The following RSF1 variants were observed in gnomAD, a reference collection of about 807,000 sequenced individuals.
RSF1 encodes the protein HBV pX-associated protein 8.
A neutral mutation model predicts 145.2 loss-of-function variants in RSF1; 13 were observed. That is an observed-to-expected ratio of 0.09 (90% CI 0.06 to 0.14). The LOEUF (loss-of-function observed/expected upper bound fraction) is 0.14. Ranked by LOEUF, RSF1 falls within the 10% of genes least tolerant of loss-of-function variation. The pLI is 1.00. For synonymous variants in RSF1, 577 were observed against 592.6 expected, an observed-to-expected ratio of 0.97 and a Z score of 0.38; for missense variants, 1,517 against 1,718.2, an observed-to-expected ratio of 0.88 and a Z score of 2.07.
rs144938637 is a variant in RSF1 at position 77,814,990 on chromosome 11, A to C, written c.187+5538T>G. Among the ~76,000 whole-genome samples, 107 of 152,320 alleles carry C rather than the reference A, an allele frequency of 7.0e-4. 1 individual carries two copies. The Middle Eastern group carries it at 0.01, about 15-fold the overall frequency. ...GCAGGCACTGCACTTTATGGCATAC[A>C]AGTGAAAGAAAGCGTAAAATGGAAG... On this transcript the variant is annotated intron_variant, in intron 1 of 15. Transcript: ENST00000308488.
chr11:77,683,754 C>A lies in RSF1; in HGVS notation c.3021G>T (p.Leu1007Phe). ...TTGTTCTTGTTGACCTCCTTTCAAG[C>A]AAGTTTGCTTTGGATTTTTTTGAAT... is the stretch of plus-strand genomic sequence containing the variant. Reference protein sequence around the residue: ...KKDSKKSKANLLERRSTRTRK... With the variant: ...KKDSKKSKANFLERRSTRTRK... Residue 1007 changes from leucine (L) to phenylalanine (F), a missense_variant, in exon 11 of 16, where the codon TTG (leucine) becomes TTT (phenylalanine). By Grantham distance (22) the Leu-to-Phe change is conservative. Coordinates refer to ENST00000308488, the MANE Select transcript of RSF1 (RefSeq NM_016578.4). 1.2e-6 allele frequency: 2 copies of A among 1,613,406 alleles called. No individual in the cohort carries two copies. Among genetic ancestry groups the A allele is most frequent in the South Asian group, 1.1e-5 (1 of 91,074 alleles).
At chr11:77,820,828 G>T, upstream of RSF1, 1 of 1,079,524 alleles carries the variant, frequency 9.3e-7, no homozygotes, top group Non-Finnish European at 1.3e-6. Context: ...GGGCTCCTCT[G>T]CGGATCCCAG....
chr11:77,746,742 A>C (rs1948006523), intron 3 of RSF1, among the ~76,000 whole-genome samples: 1 of 152,238 alleles, frequency 6.6e-6, no homozygotes, highest in African/African-American at 2.4e-5. Flanking sequence ...AATTATCCAC[A>C]GTTTACAGTA....
chr11:77,860,034 T>G, the RSF1 span, among the ~76,000 whole-genome samples: 1 of 152,222 alleles, frequency 6.6e-6, no homozygotes, highest in Admixed American at 6.5e-5. Context: ...AGGCCAACCC[T>G]TTGCCACTAC....
chr11:77,715,762 T>C (rs1960793166), intron 5 of RSF1, among the ~76,000 whole-genome samples: 1 of 152,084 alleles, frequency 6.6e-6, no homozygotes, highest in African/African-American at 2.4e-5. Context: ...CAATGTCTTA[T>C]ATAATAAAAA....
intron 5 of RSF1, among the ~76,000 whole-genome samples, chr11:77,724,728 A>C (rs923999273): frequency 3.3e-5 from 5 of 152,232 alleles, no homozygotes; most frequent in African/African-American, 1.2e-4. Context: ...TGTGCAACCT[A>C]GATCCCTTGC....
intron 5 of RSF1, among the ~76,000 whole-genome samples, chr11:77,708,299 G>C (rs896386912): frequency 2.0e-5 from 3 of 152,140 alleles, no homozygotes; most frequent in African/African-American, 7.2e-5. Flanking sequence ...CACACCTGTA[G>C]TTCCCTGTAG....
At chr11:77,732,933 G>A (rs1292136329) in intron 4 of RSF1, among the ~76,000 whole-genome samples, 1 of 152,162 alleles carries the variant, frequency 6.6e-6, no homozygotes, top group Non-Finnish European at 1.5e-5. Flanking sequence ...TCACATACAA[G>A]GAATTTTGAG....
upstream of RSF1, among the ~76,000 whole-genome samples, chr11:77,823,845 T>G (rs1195901400): frequency 6.6e-6 from 1 of 152,150 alleles, no homozygotes; most frequent in Non-Finnish European, 1.5e-5. Flanking sequence ...TTGCCTGTAC[T>G]TTCTATCTTT....
At chr11:77,719,181 T>C (rs960088535) in intron 5 of RSF1, among the ~76,000 whole-genome samples, 1 of 151,976 alleles carries the variant, frequency 6.6e-6, no homozygotes, top group Non-Finnish European at 1.5e-5. Context: ...TTACAGTGAG[T>C]TGTGATTGTG....
rs878996155 is a variant in RSF1, at chr11:77,667,088, G to A, written c.4155C>T (p.Gly1385=). Residue 1385 remains glycine, a synonymous_variant, in exon 16 of 16, where the codon GGC becomes GGT. Transcript: ENST00000308488. ...SPGKAIENLI[G]KPTEKSQTPK... ...GGGTCTGAGACTTCTCAGTAGGCTT[G>A]CCAATCAAGTTCTCAATGGCTTTGC... 6.2e-7 allele frequency: 1 copy of A among 1,614,184 alleles called. No individual in the cohort carries two copies. The highest frequency in any genetic ancestry group is 1.1e-5 in the South Asian group (1 of 91,088).
At chr11:77,670,299 CTTCATAT>C (rs1265567839) in intron 15 of RSF1, among the ~76,000 whole-genome samples, 2 of 152,114 alleles carry the variant, frequency 1.3e-5, no homozygotes, top group African/African-American at 4.8e-5. Context: ...ACCTCAAGGC[CTTCATAT>C]TTATTGTTCC....
the RSF1 span, among the ~76,000 whole-genome samples, chr11:77,849,646 T>G: frequency 2.6e-5 from 4 of 151,414 alleles, no homozygotes; most frequent in African/African-American, 9.7e-5. Context: ...TTTTTGTGTG[T>G]TTTTTTTTAA....
chr11:77,820,462 G>C (rs949630035), intron 1 of RSF1, 66 bp downstream of exon 1: 1 of 1,483,106 alleles, frequency 6.7e-7, no homozygotes, highest in Non-Finnish European at 9.0e-7. Context: ...CGGGGCGCCT[G>C]TGAAGAGCGG....
rs1271227000 is a variant in RSF1 at position 77,660,783 on chromosome 11, A to G, written c.*6134T>C. ...GATCTGCAGGCTTCCCTTCTGAATG[A>G]GGATAGCAAAAAACTGACGCTGGCA... is the stretch of plus-strand genomic sequence containing the variant. On this transcript the variant is annotated 3_prime_UTR_variant, in exon 16 of 16. Coordinates refer to ENST00000308488, the MANE Select transcript of RSF1 (RefSeq NM_016578.4). 2 of 146,460 alleles carry G rather than the reference A, an allele frequency of 1.4e-5. No individual in the cohort carries two copies. The highest frequency in any genetic ancestry group is 5.3e-5 in the African/African-American group (2 of 37,968). The allele number at this position is 146,460 out of a possible 1,614,324, so 9.1% of individuals were successfully genotyped here.
intron 5 of RSF1, among the ~76,000 whole-genome samples, chr11:77,710,583 T>C (rs1010912282): frequency 2.6e-5 from 4 of 152,194 alleles, no homozygotes; most frequent in African/African-American, 7.2e-5. Context: ...CACTTCAACA[T>C]ATTCAGGTTC....
chr11:77,749,641 A>C (rs1948039548), intron 2 of RSF1, among the ~76,000 whole-genome samples: 1 of 152,220 alleles, frequency 6.6e-6, no homozygotes. Flanking sequence ...AAATGGATAT[A>C]AAGATGATAA....
rs1948860432 is a variant in RSF1 at position 77,820,616 on chromosome 11, G to A, written c.99C>T (p.Tyr33=). ...FAVVCSFLER[Y]GPLLDLPELP... is the part of the protein sequence containing the mutation. ...ACTCAGGCAGGTCTAGCAGCGGCCC[G>A]TAGCGCTCCAAGAAGGAGCAGACTA... The change falls in exon 1 of 16, where the codon TAC becomes TAT. Residue 33 remains tyrosine, a synonymous_variant. Transcript: ENST00000308488. The A allele has an allele frequency of 1.9e-6, 3 of 1,567,402 alleles. No individual in the cohort carries two copies. Among genetic ancestry groups the A allele is most frequent in the Non-Finnish European group, 1.7e-6 (2 of 1,157,872 alleles).
the RSF1 span, among the ~76,000 whole-genome samples, chr11:77,867,987 C>T: frequency 6.6e-6 from 1 of 151,906 alleles, no homozygotes; most frequent in Non-Finnish European, 1.5e-5. Flanking sequence ...CTTTTCCCAC[C>T]TCATCTGTCA....
Sources: gnomAD v4.1 joint callset for allele counts (sites outside exome capture counted in the v4.1 genomes callset) on GRCh38, gnomAD v4.1.1 for gene constraint, MANE v1.5 for transcripts, NCBI Gene and HGNC (gene_info 2026-07-23, HGNC 2026-07-21) for gene names.